Variants in CFAP61 observed in about 807,000 individuals in gnomAD.
CFAP61 encodes cilia- and flagella-associated protein 61.
CFAP61 carries 107 observed loss-of-function variants against 135.6 expected under a neutral mutation model. That is an observed-to-expected ratio of 0.79 (90% CI 0.67 to 0.93). CFAP61 has a LOEUF of 0.93. CFAP61 is among the 40% of genes least tolerant of loss of function. The pLI, the probability that CFAP61 is intolerant of heterozygous loss-of-function variation, is 0.00. For missense variants in CFAP61, 1,507 were observed against 1,556.2 expected (o/e 0.97, Z 0.53); for synonymous variants, 575 against 578.5 (o/e 0.99, Z 0.09).
chr20:20,079,844 A>G (rs754712452), intron 6 of CFAP61, among the ~76,000 whole-genome samples: 8 of 152,192 alleles, frequency 5.3e-5, no homozygotes, highest in Non-Finnish European at 1.0e-4. Flanking sequence ...ATGAAATGAC[A>G]TTTTTAATTG....
At chr20:20,191,122 T>A (rs551845249) in intron 14 of CFAP61, among the ~76,000 whole-genome samples, 34 of 151,632 alleles carry the variant, frequency 2.2e-4, no homozygotes, top group East Asian at 5.8e-4. Flanking sequence ...TCAAAAAAAA[T>A]AATAATAATA....
At position 20,171,818 on chromosome 20, in the gene CFAP61, A is replaced by T. The variant is rs996197; in HGVS notation, c.1385+2358A>T. Reference sequence around the variant, plus strand: ...GGGAAGGAGTTCATAGCATCACCAGAGTGTCAAAGGGCTCTGTGGCATGCA... The same window carrying T: ...GGGAAGGAGTTCATAGCATCACCAGTGTGTCAAAGGGCTCTGTGGCATGCA... On this transcript the variant is annotated intron_variant, in intron 13 of 26. Transcript: ENST00000245957. 2.6e-5 allele frequency: 18 copies of T among 705,166 alleles called. 1 individual carries two copies. The highest frequency in any genetic ancestry group is 6.2e-5 in the South Asian group (4 of 64,984). The allele number at this position is 705,166 out of a possible 1,614,324, so 43.7% of individuals were successfully genotyped here. A position where few individuals can be genotyped will look rare whatever the true frequency, so the allele number is the denominator to read the frequency against.
In CFAP61 at chr20:20,355,778, G is replaced by C. The variant is rs2059101286; in HGVS notation, c.3514-4432G>C. 1.3e-4 allele frequency among the ~76,000 whole-genome samples: 19 copies of C among 141,024 alleles called. No individual in the cohort carries two copies. In the South Asian group the frequency reaches 4.4e-3, roughly 33 times the overall value. The allele number at this position is 141,024 out of a possible 152,430, so 92.5% of individuals were successfully genotyped here. On this transcript the variant is annotated intron_variant, in intron 26 of 26. Coordinates refer to ENST00000245957, the MANE Select transcript of CFAP61 (RefSeq NM_015585.4). ...TGAGCAGAGATGGTCACACTGTGAG[G>C]GGAGGTGGTCACACTGAGGGGAGGT...
chr20:20,140,801 T>C (rs540223760), intron 8 of CFAP61, among the ~76,000 whole-genome samples: 1 of 152,094 alleles, frequency 6.6e-6, no homozygotes, highest in Admixed American at 6.5e-5. Flanking sequence ...TAGCAAAGAC[T>C]TGGAACCAAC....
At chr20:20,144,751 G>GA in intron 9 of CFAP61, among the ~76,000 whole-genome samples, 1 of 152,158 alleles carries the variant, frequency 6.6e-6, no homozygotes, top group Non-Finnish European at 1.5e-5. Context: ...GTGATAAAGA[G>GA]AAAATCTTAA....
At chr20:20,139,517 C>T (rs1439939170) in intron 8 of CFAP61, among the ~76,000 whole-genome samples, 2 of 152,202 alleles carry the variant, frequency 1.3e-5, no homozygotes, top group Non-Finnish European at 2.9e-5. Flanking sequence ...TATTTTTAGT[C>T]ATGTGTTACA....
intron 21 of CFAP61, among the ~76,000 whole-genome samples, chr20:20,269,164 C>CATAT (rs1555941609): frequency 3.6e-4 from 40 of 112,548 alleles, no homozygotes; most frequent in Non-Finnish European, 5.5e-4. Flanking sequence ...CACACACACA[C>CATAT]ATACATATAT....
chr20:20,133,361 C>G (rs986217734), intron 8 of CFAP61, among the ~76,000 whole-genome samples: 9 of 152,186 alleles, frequency 5.9e-5, no homozygotes, highest in African/African-American at 2.2e-4. Context: ...CAGGCTTTGG[C>G]TCTGTTGCAT....
At chr20:20,190,332 T>C (rs1246591967) in intron 14 of CFAP61, among the ~76,000 whole-genome samples, 1 of 152,220 alleles carries the variant, frequency 6.6e-6, no homozygotes, top group Non-Finnish European at 1.5e-5. Flanking sequence ...CAGAGTATTA[T>C]ACTGAGTGGG....
intron 25 of CFAP61, among the ~76,000 whole-genome samples, chr20:20,337,262 C>T (rs147630545): frequency 2.1e-4 from 24 of 116,452 alleles, no homozygotes; most frequent in South Asian, 3.1e-4. Context: ...GATGGATGGA[C>T]AGAATGGGTG....
At chr20:20,086,354 C>A (rs1350284315) in intron 6 of CFAP61, among the ~76,000 whole-genome samples, 1 of 122,084 alleles carries the variant, frequency 8.2e-6, no homozygotes, top group Admixed American at 1.0e-4. Context: ...GTGTGATGTT[C>A]CCCTTCCTGT....
intron 6 of CFAP61, among the ~76,000 whole-genome samples, chr20:20,089,365 A>G (rs2047018582): frequency 1.3e-5 from 2 of 151,826 alleles, no homozygotes; most frequent in South Asian, 4.1e-4. Flanking sequence ...AGCAGAAATC[A>G]TCTGGATAAA....
At chr20:20,232,434 C>T (rs936668632) in intron 18 of CFAP61, among the ~76,000 whole-genome samples, 1 of 151,948 alleles carries the variant, frequency 6.6e-6, no homozygotes, top group Non-Finnish European at 1.5e-5. Context: ...CAGGTGTATG[C>T]ACCTCTCTTC....
intron 6 of CFAP61, among the ~76,000 whole-genome samples, chr20:20,086,640 T>G (rs900373289): frequency 1.3e-5 from 2 of 152,116 alleles, no homozygotes; most frequent in African/African-American, 4.8e-5. Context: ...TGCCCTTCAC[T>G]GCTGTCAGTG....
rs11473095 is a variant in CFAP61, at chr20:20,286,017, TA to T, written c.2797-2578del. Among the ~76,000 whole-genome samples, 404 of 143,478 alleles carry T rather than the reference TA, an allele frequency of 2.8e-3. 1 individual carries two copies. The highest frequency in any genetic ancestry group is 9.5e-3 in the East Asian group (47 of 4,926). 94.1% of individuals were successfully genotyped at this position (143,478 alleles called of 152,430 possible). A position where few individuals can be genotyped will look rare whatever the true frequency, so the allele number is the denominator to read the frequency against. ...GAAAAGGTAATTGAAAAAGCAAACT[TA>T]AAAAAAAAAAAAACACCTCTAAAAT... is the stretch of plus-strand genomic sequence containing the variant. On this transcript the variant is annotated intron_variant, in intron 22 of 26. Coordinates refer to ENST00000245957, the MANE Select transcript of CFAP61 (RefSeq NM_015585.4).
At chr20:20,119,749 G>A (rs1050615533) in intron 8 of CFAP61, among the ~76,000 whole-genome samples, 1 of 152,074 alleles carries the variant, frequency 6.6e-6, no homozygotes, top group African/African-American at 2.4e-5. Context: ...CAGGTATTAA[G>A]CCAGTACCCA....
chr20:20,124,756 T>A (rs7272518), intron 8 of CFAP61, among the ~76,000 whole-genome samples: 1 of 151,574 alleles, frequency 6.6e-6, no homozygotes, highest in Non-Finnish European at 1.5e-5. Context: ...GGAGGGTTCC[T>A]TCTTTCTCTA....
chr20:20,249,668 A>T (rs2050737503), intron 19 of CFAP61, among the ~76,000 whole-genome samples: 1 of 152,232 alleles, frequency 6.6e-6, no homozygotes, highest in South Asian at 2.1e-4. Context: ...CCCACTGGAC[A>T]GAGCTTCACA....
chr20:20,052,705 C>A, intron 1 of CFAP61, 114 bp downstream of exon 1: 1 of 1,610,876 alleles, frequency 6.2e-7, no homozygotes, highest in Admixed American at 1.7e-5. Context: ...ACGAGTGGCT[C>A]TGTCGAGCCG....
Sources: gnomAD v4.1 joint callset for allele counts (sites outside exome capture counted in the v4.1 genomes callset) on GRCh38, gnomAD v4.1.1 for gene constraint, MANE v1.5 for transcripts, NCBI Gene and HGNC (gene_info 2026-07-23, HGNC 2026-07-21) for gene names.